FRMPD4: variants seen among roughly 807,000 people sequenced by gnomAD.
The protein encoded by FRMPD4 is FERM and PDZ domain-containing protein 4.
FRMPD4 carries 22 observed loss-of-function variants against 94.1 expected under a neutral mutation model. The observed-to-expected ratio is 0.23, with a 90% CI of 0.17 to 0.33. The LOEUF is 0.33. Among genes scored for constraint, FRMPD4 ranks in the 10% least tolerant of loss-of-function variants. The pLI, the probability that FRMPD4 is intolerant of heterozygous loss-of-function variation, is 1.00. For synonymous variants in FRMPD4, 631 were observed against 548.6 expected, an observed-to-expected ratio of 1.15 and a Z score of -2.10; for missense variants, 1,111 against 1,339.9, an observed-to-expected ratio of 0.83 and a Z score of 2.67.
chrX:12,311,342 A>C (rs2055028079), intron 1 of FRMPD4, among the ~76,000 whole-genome samples: 1 of 112,639 alleles, frequency 8.9e-6, no homozygotes, highest in African/African-American at 3.2e-5. Context: ...CCATGGAATA[A>C]GAAAAATATT....
At chrX:11,865,764 C>T (rs1210536978) in intron 2 of FRMPD4, among the ~76,000 whole-genome samples, 4 of 111,824 alleles carry the variant, frequency 3.6e-5, no homozygotes, top group South Asian at 7.5e-4. Flanking sequence ...TAAACCAGAA[C>T]TTTCACACAC....
chrX:11,834,702 C>A (rs2053492346), intron 1 of FRMPD4, among the ~76,000 whole-genome samples: 1 of 111,135 alleles, frequency 9.0e-6, no homozygotes, highest in African/African-American at 3.3e-5. Context: ...AAAGTGAAAC[C>A]TTCTTAATAA....
intron 1 of FRMPD4, among the ~76,000 whole-genome samples, chrX:12,169,696 T>C (rs2056187025): frequency 8.9e-6 from 1 of 112,463 alleles, no homozygotes; most frequent in Non-Finnish European, 1.9e-5. Context: ...ACCAAACTCA[T>C]AGACTTTTAT....
intron 3 of FRMPD4, among the ~76,000 whole-genome samples, chrX:11,962,098 G>A (rs1353726141): frequency 8.9e-6 from 1 of 112,538 alleles, no homozygotes; most frequent in African/African-American, 3.2e-5. Flanking sequence ...CTCTCATAAA[G>A]CTGCTGTCCT....
At chrX:11,825,190 T>G (rs1326901633) in intron 1 of FRMPD4, among the ~76,000 whole-genome samples, 1 of 80,162 alleles carries the variant, frequency 1.2e-5, no homozygotes, top group African/African-American at 4.9e-5. Flanking sequence ...TGTGTCTTCT[T>G]TGTGTGTGTG....
At chrX:12,206,164 T>C (rs1161705062) in intron 1 of FRMPD4, among the ~76,000 whole-genome samples, 1 of 112,239 alleles carries the variant, frequency 8.9e-6, no homozygotes, top group African/African-American at 3.2e-5. Flanking sequence ...AGAAACCCCA[T>C]CTGCCTTAAA....
intron 1 of FRMPD4, among the ~76,000 whole-genome samples, chrX:12,220,252 C>T (rs1422229158): frequency 8.9e-6 from 1 of 111,865 alleles, no homozygotes. Context: ...GGACTGTTCC[C>T]ATATCATACT....
At chrX:11,861,518 C>G (rs935821738) in intron 1 of FRMPD4, among the ~76,000 whole-genome samples, 1 of 111,769 alleles carries the variant, frequency 8.9e-6, no homozygotes, top group African/African-American at 3.3e-5. Flanking sequence ...ATAGTAAGCA[C>G]CAGGTCAGAA....
At chrX:11,845,847 T>A (rs1224126879) in intron 1 of FRMPD4, among the ~76,000 whole-genome samples, 9 of 108,559 alleles carry the variant, frequency 8.3e-5, no homozygotes, top group African/African-American at 3.0e-4. Context: ...CGCTAAAAAC[T>A]CTCAATAAAT....
intron 3 of FRMPD4, among the ~76,000 whole-genome samples, chrX:11,995,842 C>T (rs2054493332): frequency 9.0e-6 from 1 of 111,641 alleles, no homozygotes; most frequent in Non-Finnish European, 1.9e-5. Flanking sequence ...TGTCCATTTC[C>T]ATAATTAATA....
chrX:12,681,434 C>T (rs192492215), intron 5 of FRMPD4, among the ~76,000 whole-genome samples: 2 of 112,530 alleles, frequency 1.8e-5, no homozygotes, highest in African/African-American at 6.4e-5. Context: ...TGCAGCAGGA[C>T]TTTTAAAAGT....
intron 3 of FRMPD4, among the ~76,000 whole-genome samples, chrX:12,049,732 A>C (rs1010917689): frequency 8.9e-6 from 1 of 111,863 alleles, no homozygotes; most frequent in African/African-American, 3.2e-5. Flanking sequence ...TTATCATAGA[A>C]GATGACAGCG....
chrX:12,660,461 C>A (rs2059702593), intron 4 of FRMPD4, among the ~76,000 whole-genome samples: 1 of 111,626 alleles, frequency 9.0e-6, no homozygotes, highest in African/African-American at 3.3e-5. Flanking sequence ...AATCTTTTTC[C>A]ACACTTCAAC....
chrX:12,522,114 C>CAAAAAA (rs63200862), intron 2 of FRMPD4, among the ~76,000 whole-genome samples: 1 of 88,311 alleles, frequency 1.1e-5, no homozygotes, highest in Non-Finnish European at 2.3e-5. Flanking sequence ...GTTACTTCTT[C>CAAAAAA]AAAAAAAAAA....
chrX:12,069,589 T>A (rs2054949141), intron 3 of FRMPD4, among the ~76,000 whole-genome samples: 1 of 111,118 alleles, frequency 9.0e-6, no homozygotes, highest in Non-Finnish European at 1.9e-5. Context: ...TGACAAGGGG[T>A]CCAGGCTGAA....
At chrX:12,022,634 C>T (rs778964588) in intron 3 of FRMPD4, among the ~76,000 whole-genome samples, 2 of 111,520 alleles carry the variant, frequency 1.8e-5, no homozygotes, top group South Asian at 3.8e-4. Flanking sequence ...CATCTCTCTT[C>T]GGATGCAGGC....
chrX:12,444,411 TA>T (rs1362160176), intron 1 of FRMPD4, among the ~76,000 whole-genome samples: 1 of 108,906 alleles, frequency 9.2e-6, no homozygotes, highest in East Asian at 2.8e-4. Flanking sequence ...GACATTTTCT[TA>T]TGAGAATGAG....
At chrX:12,356,141 C>G (rs1156812666) in intron 1 of FRMPD4, among the ~76,000 whole-genome samples, 2 of 111,490 alleles carry the variant, frequency 1.8e-5, no homozygotes, top group Non-Finnish European at 3.8e-5. Flanking sequence ...ATTCGGAAAA[C>G]GAAGGGCCTC....
intron 1 of FRMPD4, among the ~76,000 whole-genome samples, chrX:12,343,295 T>C (rs975425839): frequency 1.8e-5 from 2 of 112,102 alleles, no homozygotes; most frequent in African/African-American, 3.2e-5. Flanking sequence ...GCCTCTGTGC[T>C]TTGATTTTCT....
Sources: allele counts gnomAD v4.1 joint callset (sites outside exome capture counted in the v4.1 genomes callset), GRCh38; gene constraint gnomAD v4.1.1; transcripts MANE v1.5; gene names NCBI Gene and HGNC (gene_info 2026-07-23, HGNC 2026-07-21).